PLCH2: variants seen among roughly 807,000 people sequenced by gnomAD.
PLCH2 encodes phospholipase C eta 2, also known as 1-phosphatidylinositol 4,5-bisphosphate phosphodiesterase eta-2.
A neutral mutation model predicts 134.7 loss-of-function variants in PLCH2; 98 were observed. The observed-to-expected ratio is 0.73, with a 90% CI of 0.62 to 0.86. PLCH2 has a LOEUF of 0.86. PLCH2 is among the 40% of genes least tolerant of loss of function. The pLI, the probability that PLCH2 is intolerant of heterozygous loss-of-function variation, is 0.00. For missense variants in PLCH2, 1,994 were observed against 1,986.6 expected (o/e 1.00, Z -0.07); for synonymous variants, 974 against 827.5 (o/e 1.18, Z -3.04).
chr1:2,418,506 C>T, the PLCH2 span, among the ~76,000 whole-genome samples: 3 of 152,246 alleles, frequency 2.0e-5, no homozygotes, highest in Non-Finnish European at 2.9e-5. Flanking sequence ...CACCCACTGC[C>T]TCCCTCGGAC....
chr1:2,467,820 T>A (rs1641139488), intron 1 of PLCH2, among the ~76,000 whole-genome samples: 1 of 152,126 alleles, frequency 6.6e-6, no homozygotes, highest in South Asian at 2.1e-4. Context: ...CAGCAGGGTC[T>A]CCGGGAGCAC....
At chr1:2,483,516 C>T (rs1023295724) in intron 4 of PLCH2, among the ~76,000 whole-genome samples, 1 of 152,170 alleles carries the variant, frequency 6.6e-6, no homozygotes, top group African/African-American at 2.4e-5. Context: ...TGAGTAGGGG[C>T]TGAGCTGGGG....
Position 2,444,420 on chromosome 1 carries a change from C to T in PLCH2, c.115+13791C>T, listed in dbSNP as rs1364833048. Among the ~76,000 whole-genome samples the T allele has an allele frequency of 3.9e-5, 6 of 152,296 alleles. No individual in the cohort carries two copies. In the South Asian group the frequency reaches 1.0e-3, roughly 26 times the overall value. ...CTGCAGGTGCTCATCTGGGGGGAGCCGGCCTCTCCCCACACTAGCAGGTGG... is the reference window on the plus strand; with the variant it reads ...CTGCAGGTGCTCATCTGGGGGGAGCTGGCCTCTCCCCACACTAGCAGGTGG... On this transcript the variant is annotated intron_variant, in intron 2 of 3. Transcript: ENST00000609981. This position sits in a 1 kb window ranked among gnomAD's most constrained non-coding sequence, Gnocchi z 4.6.
At chr1:2,500,221 A>G (rs1321150247) in intron 20 of PLCH2, 3 of 171,140 alleles carry the variant, frequency 1.8e-5, no homozygotes, top group African/African-American at 7.1e-5. Flanking sequence ...CTTCCGCAGG[A>G]AGTGGTCTTG....
At position 2,504,793 on chromosome 1, in the gene PLCH2, C is replaced by T. The variant is rs756973245; in HGVS notation, c.3831C>T (p.Ser1277=). The T allele has an allele frequency of 8.2e-5, 132 of 1,611,842 alleles. No homozygotes were observed. The highest frequency in any genetic ancestry group is 9.6e-5 in the Non-Finnish European group (113 of 1,179,686). The change falls in exon 22 of 22, where the codon AGC becomes AGT. Residue 1277 remains serine, a synonymous_variant. Coordinates refer to ENST00000378486, the MANE Select transcript of PLCH2 (RefSeq NM_014638.4). The stretch of plus-strand genomic sequence containing the variant: ...TTGAGGGCGGCTCCCGCAGACTGAG[C>T]CACAGCCTGGGCCTCCCGGGAGGGA... ...PSFEGGSRRL[S]HSLGLPGGTR... is the part of the protein sequence containing the mutation.
chr1:2,445,471 G>A (rs1012644040), intron 2 of PLCH2, among the ~76,000 whole-genome samples: 1 of 151,416 alleles, frequency 6.6e-6, no homozygotes, highest in African/African-American at 2.4e-5. Flanking sequence ...CTCGGGGCTT[G>A]GTCTGGTGGC....
At chr1:2,458,780 G>A (rs1482764641) in intron 2 of PLCH2, among the ~76,000 whole-genome samples, 1 of 152,190 alleles carries the variant, frequency 6.6e-6, no homozygotes, top group African/African-American at 2.4e-5. Context: ...GGATGATCTC[G>A]AGGCCACGTT....
chr1:2,459,121 A>G (rs896339391), intron 2 of PLCH2, among the ~76,000 whole-genome samples: 6 of 152,254 alleles, frequency 3.9e-5, no homozygotes, highest in African/African-American at 1.4e-4. Context: ...GGCCTTGGTG[A>G]TGCCAGGTGG....
chr1:2,480,126 G>A (rs1193261498), intron 3 of PLCH2, 57 bp from the exon 4 acceptor site: 64 of 1,605,066 alleles, frequency 4.0e-5, no homozygotes, highest in Non-Finnish European at 5.4e-5. Context: ...AGGCCAGAGG[G>A]TGGAGGTGTC....
intron 5 of PLCH2, 121 bp downstream of exon 5, chr1:2,484,739 A>T: frequency 9.2e-7 from 1 of 1,085,652 alleles, no homozygotes; most frequent in Non-Finnish European, 1.3e-6. Context: ...ATCCCAGGCC[A>T]GGGATGGGCT....
At chr1:2,453,566 C>T (rs1395838442) in intron 2 of PLCH2, among the ~76,000 whole-genome samples, 2 of 152,284 alleles carry the variant, frequency 1.3e-5, no homozygotes, top group Middle Eastern at 3.4e-3. Context: ...CTTCACAGGG[C>T]CCTGTGGCCT....
rs143260801 is a variant in PLCH2, at chr1:2,431,782, G to A, written c.115+1153G>A. ...GTTCCTACCCCTTGTTACTGTCCCC[G>A]CCCCATGCCTGGGTGGTGGATGCTG... On this transcript the variant is annotated intron_variant, in intron 2 of 3. Transcript: ENST00000609981. Among the ~76,000 whole-genome samples, 660 of 152,204 alleles carry A rather than the reference G, an allele frequency of 4.3e-3. 6 individuals carry two copies. Among genetic ancestry groups the A allele is most frequent in the African/African-American group, 0.015 (617 of 41,524 alleles).
intron 2 of PLCH2, among the ~76,000 whole-genome samples, chr1:2,447,414 TC>T (rs1639992649): frequency 6.6e-6 from 1 of 151,944 alleles, no homozygotes; most frequent in Admixed American, 6.6e-5. Flanking sequence ...TTCTCAGGGC[TC>T]CCCCTCCCCT....
intron 11 of PLCH2, among the ~76,000 whole-genome samples, chr1:2,491,901 G>A (rs994835652): frequency 6.6e-6 from 1 of 151,690 alleles, no homozygotes; most frequent in Non-Finnish European, 1.5e-5. Flanking sequence ...CTGGTGCACA[G>A]AGCCTCCTTG....
the PLCH2 span, among the ~76,000 whole-genome samples, chr1:2,416,793 C>T: frequency 6.6e-6 from 1 of 152,152 alleles, no homozygotes; most frequent in Non-Finnish European, 1.5e-5. Context: ...CATGGGCTGG[C>T]CTGGGAAGTG....
chr1:2,499,400 A>T (rs1355734768), intron 19 of PLCH2, among the ~76,000 whole-genome samples, 170 bp downstream of exon 19: 1 of 152,140 alleles, frequency 6.6e-6, no homozygotes, highest in African/African-American at 2.4e-5. Context: ...CGGGTCAGGC[A>T]GGGGCATGGC....
rs111549040 is a variant in PLCH2 at position 2,504,585 on chromosome 1, C to T, written c.3623C>T (p.Ala1208Val). Residue 1208 changes from alanine to valine, a missense_variant, in exon 22 of 22, where the codon GCT becomes GTT. Physicochemically the swap from Ala to Val is moderately conservative, Grantham distance 64. Around this residue, in one of 2 missense-constraint regions of PLCH2, gnomAD observed 900 missense variants for 752.3 expected, o/e 1.20. Coordinates refer to ENST00000378486, the MANE Select transcript of PLCH2 (RefSeq NM_014638.4). ...AGCAAATCCAACCCCAACCTTCGGG[C>T]TACAGGCCAGCGGCCTCCCATACCT... ...TKSKSNPNLRATGQRPPIPDE... is the reference protein window; with the variant it reads ...TKSKSNPNLRVTGQRPPIPDE... The T allele has an allele frequency of 1.6e-5, 26 of 1,612,784 alleles. No homozygotes were observed. The highest frequency in any genetic ancestry group is 3.3e-4 in the Middle Eastern group (2 of 6,062).
At chr1:2,422,551 A>C (rs1407873537), upstream of PLCH2, among the ~76,000 whole-genome samples, 1 of 152,198 alleles carries the variant, frequency 6.6e-6, no homozygotes, top group East Asian at 1.9e-4. Flanking sequence ...GACTGGATGA[A>C]TGGTAGAGTT....
rs541494857 is a variant in PLCH2 at position 2,439,548 on chromosome 1, T to C, written c.115+8919T>C. On this transcript the variant is annotated intron_variant, in intron 2 of 3. Transcript: ENST00000609981. The surrounding 1 kb of genome is among the most constrained non-coding windows in gnomAD (Gnocchi z 4.7). The stretch of plus-strand genomic sequence containing the variant: ...AAATTTAGCTGCTGAGGATTGCACG[T>C]TTACCCGATTAAGCCCATTGATTGA... Among the ~76,000 whole-genome samples, 58 of 152,356 alleles carry C rather than the reference T, an allele frequency of 3.8e-4. No homozygotes were observed. The South Asian group carries it at 0.012, about 31-fold the overall frequency.
Sources: allele counts gnomAD v4.1 joint callset (sites outside exome capture counted in the v4.1 genomes callset), GRCh38; gene constraint gnomAD v4.1.1; regional missense constraint gnomAD v4.1.1; non-coding constraint Gnocchi (gnomAD v3.1); transcripts MANE v1.5; gene names NCBI Gene and HGNC (gene_info 2026-07-23, HGNC 2026-07-21).